AP3B1: variants seen among roughly 807,000 people sequenced by gnomAD.
The protein encoded by AP3B1 is AP-3 complex subunit beta-1.
A neutral mutation model predicts 132.5 loss-of-function variants in AP3B1; 61 were observed. The ratio of observed to expected loss-of-function variants is 0.46; its 90% CI spans 0.37 to 0.57. AP3B1 has a LOEUF of 0.57. Ranked by LOEUF, AP3B1 falls within the 20% of genes least tolerant of loss-of-function variation. AP3B1 has a pLI of 0.00. For synonymous variants in AP3B1, 388 were observed against 438.3 expected (o/e 0.89, Z 1.43); for missense variants, 1,120 against 1,289.4 (o/e 0.87, Z 2.01).
chr5:78,016,456 A>G (rs924986290), intron 25 of AP3B1, among the ~76,000 whole-genome samples: 2 of 152,154 alleles, frequency 1.3e-5, no homozygotes, highest in African/African-American at 4.8e-5. Flanking sequence ...GATCGGTGAT[A>G]TAAGTCATAG....
chr5:78,011,406 G>A (rs906591559), intron 26 of AP3B1, among the ~76,000 whole-genome samples: 3 of 152,074 alleles, frequency 2.0e-5, no homozygotes, highest in South Asian at 2.1e-4. Context: ...AAGTAAGTAC[G>A]ACAGAAATGA....
At position 78,261,432 on chromosome 5, in the gene AP3B1, C is replaced by T. The variant is rs534281687; in HGVS notation, c.204+6088G>A. Among the ~76,000 whole-genome samples, 8 of 152,074 alleles carry T rather than the reference C, an allele frequency of 5.3e-5. No homozygotes were observed. In the South Asian group the frequency reaches 1.7e-3, roughly 32 times the overall value. ...GAGAAATGTCTATTCCAGTCTTCTACCCATTTTTTCATTTGGTCGGTTTTT... is the reference window on the plus strand; with the variant it reads ...GAGAAATGTCTATTCCAGTCTTCTATCCATTTTTTCATTTGGTCGGTTTTT... On this transcript the variant is annotated intron_variant, in intron 2 of 26. Transcript: ENST00000255194.
intron 5 of AP3B1, 137 bp from the exon 6 acceptor site, chr5:78,225,745 C>T: frequency 3.4e-6 from 2 of 588,442 alleles, no homozygotes; most frequent in Non-Finnish European, 3.0e-6. Flanking sequence ...TAAAGAAAAA[C>T]AAATAAAATG....
In AP3B1 at chr5:78,034,365, A is replaced by G. The variant is rs750377910; in HGVS notation, c.2890T>C (p.Leu964=). 3.7e-6 allele frequency: 6 copies of G among 1,609,692 alleles called. No homozygotes were observed. The East Asian group carries it at 1.1e-4, about 30-fold the overall frequency. ...TAGAAGAACAATTGAACTTACCACA[A>G]CTGGAAACTGGCAGTCTGAGTAGAA... ...CDSTQTASFQ[L]CTKDDCFNVN... is the part of the protein sequence containing the mutation. The change falls in exon 24 of 27, where the codon TTG becomes CTG. Residue 964 remains leucine (L), a synonymous_variant. Coordinates refer to ENST00000255194, the MANE Select transcript of AP3B1 (RefSeq NM_003664.5).
chr5:78,156,645 G>A (rs995151311), intron 13 of AP3B1, among the ~76,000 whole-genome samples: 17 of 152,246 alleles, frequency 1.1e-4, no homozygotes, highest in South Asian at 2.1e-4. Context: ...AGCAAAAGAC[G>A]TTGGATTATG....
At chr5:78,139,158 A>C (rs952910472) in intron 15 of AP3B1, among the ~76,000 whole-genome samples, 1 of 152,134 alleles carries the variant, frequency 6.6e-6, no homozygotes, top group Admixed American at 6.5e-5. Flanking sequence ...TCACAGCTAC[A>C]AAGAAAAGAG....
At chr5:78,285,674 A>T (rs986248727) in intron 1 of AP3B1, among the ~76,000 whole-genome samples, 3 of 151,830 alleles carry the variant, frequency 2.0e-5, no homozygotes, top group Non-Finnish European at 2.9e-5. Flanking sequence ...CTTTAAAAAA[A>T]AATTCCTCTT....
rs899886034 is a variant in AP3B1 at position 78,183,867 on chromosome 5, T to TAAA, written c.787-2208_787-2206dup. ...GGGCAACAAGAGCAAAATTCCATCT[T>TAAA]AAAAAAAAAAAAAAAAAAAAGGCCA... On this transcript the variant is annotated intron_variant, in intron 7 of 26. Coordinates refer to ENST00000255194, the MANE Select transcript of AP3B1 (RefSeq NM_003664.5). Among the ~76,000 whole-genome samples the TAAA allele has an allele frequency of 9.1e-4, 65 of 71,554 alleles. 1 individual carries two copies. The highest frequency in any genetic ancestry group is 3.7e-3 in the African/African-American group (61 of 16,700). 46.9% of individuals were successfully genotyped at this position (71,554 alleles called of 152,430 possible). A position where few individuals can be genotyped will look rare whatever the true frequency, so the allele number is the denominator to read the frequency against.
At chr5:78,085,394 T>C (rs1750197308) in intron 22 of AP3B1, among the ~76,000 whole-genome samples, 1 of 152,206 alleles carries the variant, frequency 6.6e-6, no homozygotes, top group African/African-American at 2.4e-5. Flanking sequence ...TAAAAATATT[T>C]TATTGAAGTA....
In AP3B1 at chr5:78,089,480, T is replaced by C. The variant is rs749211055; in HGVS notation, c.2490A>G (p.Pro830=). Reference sequence around the variant, plus strand: ...AAAGAGCTGGTGTGGGAAGTGCAACTGGAGTGGATACTGGGTTAACTGTAA... The same window carrying C: ...AAAGAGCTGGTGTGGGAAGTGCAACCGGAGTGGATACTGGGTTAACTGTAA... ...DLDDFNPVST[P]VALPTPALSP... is the part of the protein sequence containing the mutation. Residue 830 remains proline (P), a synonymous_variant, in exon 22 of 27, where the codon CCA becomes CCG. Transcript: ENST00000255194. The C allele has an allele frequency of 3.7e-6, 6 of 1,612,388 alleles. No homozygotes were observed. The highest frequency in any genetic ancestry group is 1.1e-5 in the South Asian group (1 of 91,054).
intron 25 of AP3B1, among the ~76,000 whole-genome samples, chr5:78,017,730 AG>A (rs1344511536): frequency 2.2e-4 from 34 of 152,078 alleles, no homozygotes. Flanking sequence ...TTTCATTAAA[AG>A]TTCCTCCTAA....
intron 3 of AP3B1, among the ~76,000 whole-genome samples, chr5:78,233,540 T>C (rs1746746951): frequency 6.6e-6 from 1 of 152,178 alleles, no homozygotes. Flanking sequence ...CAGCCCAGCC[T>C]TTCTTTTCTA....
intron 2 of AP3B1, among the ~76,000 whole-genome samples, chr5:78,250,489 A>T (rs1030468713): frequency 2.0e-5 from 3 of 152,152 alleles, no homozygotes; most frequent in Admixed American, 1.3e-4. Context: ...TCAACCCACA[A>T]TGGAGCCTGA....
At chr5:78,174,238 C>T (rs1459557175) in intron 11 of AP3B1, among the ~76,000 whole-genome samples, 2 of 152,346 alleles carry the variant, frequency 1.3e-5, no homozygotes, top group East Asian at 1.9e-4. Flanking sequence ...TGGTGAGGAG[C>T]TGCAATCCTT....
intron 22 of AP3B1, among the ~76,000 whole-genome samples, chr5:78,062,922 A>G (rs1271229187): frequency 5.3e-5 from 8 of 152,194 alleles, no homozygotes; most frequent in Admixed American, 5.2e-4. Context: ...GCCCCACTCA[A>G]TGTGATGAGG....
chr5:78,240,872 T>G lies in AP3B1; in HGVS notation c.269A>C (p.Lys90Thr). 4.3e-6 allele frequency: 7 copies of G among 1,611,480 alleles called. No homozygotes were observed. Among genetic ancestry groups the G allele is most frequent in the South Asian group, 1.1e-5 (1 of 91,018 alleles). The change falls in exon 3 of 27, where the codon AAA (lysine) becomes ACA (threonine). Residue 90 changes from lysine to threonine, a missense_variant. Transcript: ENST00000255194. ...AGATCAAAACAGTACCTCAATATTT[T>G]TACTGGCCACATTCTTCACAACAGC... is the stretch of plus-strand genomic sequence containing the variant. Reference protein sequence around the residue: ...FPAVVKNVASKNIEIKKLVYV... With the variant: ...FPAVVKNVASTNIEIKKLVYV...
chr5:78,140,729 C>A (rs1157147123), intron 15 of AP3B1, among the ~76,000 whole-genome samples: 1 of 152,220 alleles, frequency 6.6e-6, no homozygotes, highest in Non-Finnish European at 1.5e-5. Flanking sequence ...TCTGGACTCA[C>A]CTTCAAAAAG....
Position 78,117,172 on chromosome 5 carries a change from C to CTT in AP3B1, c.1969-940_1969-939dup, listed in dbSNP as rs70997968. On this transcript the variant is annotated intron_variant, in intron 17 of 26. Coordinates refer to ENST00000255194, the MANE Select transcript of AP3B1 (RefSeq NM_003664.5). ...CACTTCCAACACCATTCCCCACCAC[C>CTT]TTTTTTTTTTTTTTTTTTTTAATCA... Among the ~76,000 whole-genome samples the CTT allele has an allele frequency of 4.0e-3, 483 of 122,200 alleles. 10 individuals carry two copies. The highest frequency in any genetic ancestry group is 0.012 in the African/African-American group (374 of 31,570). The allele number at this position is 122,200 out of a possible 152,430, so 80.2% of individuals were successfully genotyped here. A position where few individuals can be genotyped will look rare whatever the true frequency, so the allele number is the denominator to read the frequency against.
In AP3B1 at chr5:78,228,242, G is replaced by GC; in HGVS notation, c.280-4_280-3insG. On this transcript the variant is annotated splice_polypyrimidine_tract_variant and splice_region_variant and intron_variant, in intron 3 of 26. Coordinates refer to ENST00000255194, the MANE Select transcript of AP3B1 (RefSeq NM_003664.5). ...TAAACATATACCAACTTCTTGATCT[G>GC]TTAAAAAAAAATCATTTATTCATAA... 4 of 1,578,180 alleles carry GC rather than the reference G, an allele frequency of 2.5e-6. No homozygotes were observed. The highest frequency in any genetic ancestry group is 1.7e-4 in the Middle Eastern group (1 of 5,984).
Sources: gnomAD v4.1 joint callset for allele counts (sites outside exome capture counted in the v4.1 genomes callset) on GRCh38, gnomAD v4.1.1 for gene constraint, MANE v1.5 for transcripts, NCBI Gene and HGNC (gene_info 2026-07-23, HGNC 2026-07-21) for gene names.